Variants in RAB10 observed in about 807,000 individuals in gnomAD.
RAB10 encodes RAB10, member RAS oncogene family.
A neutral mutation model predicts 25.7 loss-of-function variants in RAB10; 5 were observed. The ratio of observed to expected loss-of-function variants is 0.19; its 90% CI spans 0.10 to 0.41. RAB10 has a LOEUF of 0.41. RAB10 is among the 10% of genes least tolerant of loss of function. The probability of loss-of-function intolerance (pLI) is 1.00; values close to 1 mark genes in which losing one functional copy is unlikely to be tolerated. For synonymous variants in RAB10, 89 were observed against 86.4 expected (o/e 1.03, Z -0.16); for missense variants, 103 against 245.8 (o/e 0.42, Z 3.89).
chr2:26,049,762 G>T (rs898918404), intron 1 of RAB10, among the ~76,000 whole-genome samples: 2 of 152,066 alleles, frequency 1.3e-5, no homozygotes, highest in African/African-American at 4.8e-5. Flanking sequence ...TGTTAAAATG[G>T]TATGCAGTGG....
At position 26,066,242 on chromosome 2, in the gene RAB10, A is replaced by AT. The variant is rs1163561440; in HGVS notation, c.127+31516dup. 2.7e-3 allele frequency among the ~76,000 whole-genome samples: 408 copies of AT among 151,662 alleles called. 2 individuals carry two copies. Among genetic ancestry groups the AT allele is most frequent in the South Asian group, 0.011 (52 of 4,788 alleles). On this transcript the variant is annotated intron_variant, in intron 1 of 5. Coordinates refer to ENST00000264710, the MANE Select transcript of RAB10 (RefSeq NM_016131.5). ...GTGAAGCCAACATGAACAATTACCG[A>AT]TTTTTTTTTCCAGTGGACAAGAAAA... is the stretch of plus-strand genomic sequence containing the variant.
chr2:26,059,150 G>A (rs1193052987), intron 1 of RAB10, among the ~76,000 whole-genome samples: 1 of 152,208 alleles, frequency 6.6e-6, no homozygotes, highest in African/African-American at 2.4e-5. Context: ...ATGTTGCAGT[G>A]TGAAGTATTA....
chr2:26,040,282 G>A (rs544800784), intron 1 of RAB10, among the ~76,000 whole-genome samples: 1 of 152,254 alleles, frequency 6.6e-6, no homozygotes, highest in South Asian at 2.1e-4. Context: ...CTCTCACGTA[G>A]CTGGGACTAC....
chr2:26,056,627 T>C (rs571853087), intron 1 of RAB10, among the ~76,000 whole-genome samples: 69 of 152,318 alleles, frequency 4.5e-4, no homozygotes, highest in Middle Eastern at 3.4e-3. Flanking sequence ...ATGTATTCCC[T>C]AAATTATTTA....
chr2:26,043,958 A>G (rs1269196793), intron 1 of RAB10, among the ~76,000 whole-genome samples: 1 of 152,236 alleles, frequency 6.6e-6, no homozygotes, highest in Non-Finnish European at 1.5e-5. Flanking sequence ...ATTCATAGAA[A>G]CAGAAATAAT....
Position 26,136,446 on chromosome 2 carries a change from G to A in RAB10, c.*1425G>A, listed in dbSNP as rs3177055. 0.77 allele frequency: 117,509 copies of A among 152,570 alleles called. 45,298 individuals are homozygous for A. The highest frequency in any genetic ancestry group is 0.87 in the East Asian group (4,485 of 5,176). 9.5% of individuals were successfully genotyped at this position (152,570 alleles called of 1,614,324 possible). A position where few individuals can be genotyped will look rare whatever the true frequency, so the allele number is the denominator to read the frequency against. On this transcript the variant is annotated 3_prime_UTR_variant, in exon 6 of 6. Transcript: ENST00000264710. ...CTTTTGGAAAACTTGTATTACCATG[G>A]GTTTGGAAAAAGGACAACGAAAGGC...
chr2:26,039,164 C>T (rs1406995473), intron 1 of RAB10, among the ~76,000 whole-genome samples: 1 of 151,330 alleles, frequency 6.6e-6, no homozygotes, highest in Non-Finnish European at 1.5e-5. Flanking sequence ...GGATTATAGG[C>T]GTGTGCCACC....
At chr2:26,041,569 ATGT>A (rs1665887818) in intron 1 of RAB10, among the ~76,000 whole-genome samples, 1 of 146,474 alleles carries the variant, frequency 6.8e-6, no homozygotes, top group Admixed American at 6.8e-5. Flanking sequence ...AAAAAAAAGA[ATGT>A]TAGCTGTTTG....
At chr2:26,062,805 G>T (rs1666432831) in intron 1 of RAB10, among the ~76,000 whole-genome samples, 1 of 151,998 alleles carries the variant, frequency 6.6e-6, no homozygotes, top group African/African-American at 2.4e-5. Flanking sequence ...TTAGTTTGTT[G>T]AGCAACCTCA....
chr2:26,042,156 C>T (rs1426690804), intron 1 of RAB10, among the ~76,000 whole-genome samples: 2 of 152,196 alleles, frequency 1.3e-5, no homozygotes, highest in Non-Finnish European at 2.9e-5. Flanking sequence ...TTCTCCACCA[C>T]AGGCTTACTC....
At chr2:26,113,644 C>G (rs1667625033) in intron 3 of RAB10, among the ~76,000 whole-genome samples, 1 of 151,020 alleles carries the variant, frequency 6.6e-6, no homozygotes, top group Non-Finnish European at 1.5e-5. Flanking sequence ...ATAAAAATAC[C>G]ACAGCTATTA....
intron 1 of RAB10, among the ~76,000 whole-genome samples, chr2:26,047,232 A>G (rs182856424): frequency 6.6e-6 from 1 of 152,214 alleles, no homozygotes; most frequent in African/African-American, 2.4e-5. Flanking sequence ...ATATTTCTAC[A>G]CTCCAAACCT....
chr2:26,073,253 C>G (rs1666665417), intron 1 of RAB10, among the ~76,000 whole-genome samples: 1 of 152,244 alleles, frequency 6.6e-6, no homozygotes, highest in African/African-American at 2.4e-5. Context: ...GCTAGAGGAA[C>G]AAATGGGAGA....
At chr2:26,075,446 G>T (rs1482099909) in intron 1 of RAB10, among the ~76,000 whole-genome samples, 4 of 152,088 alleles carry the variant, frequency 2.6e-5, no homozygotes, top group African/African-American at 9.7e-5. Context: ...GACTGGAGGG[G>T]TCTTGAATGG....
chr2:26,127,986 G>A, intron 5 of RAB10, 35 bp downstream of exon 5: 1 of 1,462,972 alleles, frequency 6.8e-7, no homozygotes. Flanking sequence ...CCAGGTACCT[G>A]AGTATCTCTG....
At chr2:26,097,485 C>T (rs2149279724) in intron 1 of RAB10, among the ~76,000 whole-genome samples, 1 of 152,256 alleles carries the variant, frequency 6.6e-6, no homozygotes, top group South Asian at 2.1e-4. Context: ...ACCACATTAG[C>T]CAGACTGGTC....
chr2:26,129,488 G>A (rs1667970318), intron 5 of RAB10, among the ~76,000 whole-genome samples: 1 of 152,150 alleles, frequency 6.6e-6, no homozygotes. Flanking sequence ...GAAGGACAGA[G>A]ACATTAGCTG....
chr2:26,089,080 G>C (rs1361398754), intron 1 of RAB10, among the ~76,000 whole-genome samples: 2 of 152,170 alleles, frequency 1.3e-5, no homozygotes, highest in Non-Finnish European at 2.9e-5. Flanking sequence ...GAGGGAATAA[G>C]ACTGGAGAGG....
In RAB10 at chr2:26,042,802, C is replaced by T. The variant is rs139657268; in HGVS notation, c.127+8067C>T. ...ATTACTATTTAAAAAAAAAAAACCT[C>T]TGTAGGTATTTCTCCAAAGAAGCTA... On this transcript the variant is annotated intron_variant, in intron 1 of 5. Coordinates refer to ENST00000264710, the MANE Select transcript of RAB10 (RefSeq NM_016131.5). The T allele has an allele frequency of 2.5e-3, 381 of 152,048 alleles. 2 individuals carry two copies. Among genetic ancestry groups the T allele is most frequent in the African/African-American group, 8.8e-3 (366 of 41,466 alleles). The allele number at this position is 152,048 out of a possible 1,614,324, so 9.4% of individuals were successfully genotyped here.
Sources: gnomAD v4.1 joint callset for allele counts (sites outside exome capture counted in the v4.1 genomes callset) on GRCh38, gnomAD v4.1.1 for gene constraint, MANE v1.5 for transcripts, NCBI Gene and HGNC (gene_info 2026-07-23, HGNC 2026-07-21) for gene names.